The following TENM2 variants were observed in gnomAD, a reference collection of about 807,000 sequenced individuals.
TENM2 encodes teneurin-2.
In TENM2, 52 loss-of-function variants were observed where a neutral mutation model predicts 245.2. The ratio of observed to expected loss-of-function variants is 0.21; its 90% CI spans 0.17 to 0.27. The LOEUF is 0.27. TENM2 is among the 10% of genes least tolerant of loss of function. The probability of loss-of-function intolerance (pLI) is 1.00; values close to 1 mark genes in which losing one functional copy is unlikely to be tolerated. For synonymous variants in TENM2, 1,363 were observed against 1,438.9 expected (o/e 0.95, Z 1.19); for missense variants, 3,046 against 3,666.8 (o/e 0.83, Z 4.37).
the TENM2 span, among the ~76,000 whole-genome samples, chr5:167,169,759 T>C: frequency 2.6e-5 from 4 of 152,206 alleles, no homozygotes; most frequent in East Asian, 5.8e-4. Context: ...GTCATATCCC[T>C]CTTTTGGCCT....
intron 2 of TENM2, among the ~76,000 whole-genome samples, chr5:167,720,116 A>C (rs1247255250): frequency 6.6e-6 from 1 of 152,180 alleles, no homozygotes; most frequent in Non-Finnish European, 1.5e-5. Context: ...AAGCATTTCC[A>C]AAAACAATTT....
rs141656383 is a variant in TENM2 at position 167,322,362 on chromosome 5, T to C, written c.226+37299T>C. ...CTGGCCCTGTTAGCCACCCATACCG[T>C]GGAGAGAGAATCTCTGCATTTCCCT... On this transcript the variant is annotated intron_variant, in intron 1 of 28. Coordinates refer to ENST00000518659, the Ensembl canonical transcript of TENM2. 6.9e-3 allele frequency among the ~76,000 whole-genome samples: 1,058 copies of C among 152,260 alleles called. 17 individuals are homozygous for C. The highest frequency in any genetic ancestry group is 0.025 in the African/African-American group (1,023 of 41,550).
rs1470988739 is a variant in TENM2, at chr5:168,218,539, G to A, written c.4648G>A (p.Ala1550Thr). Residue 1550 changes from alanine to threonine, a missense_variant, in exon 23 of 29, where the codon GCT becomes ACT. Ala to Thr is a moderately conservative substitution (Grantham distance 58, BLOSUM62 0). Transcript: ENST00000518659. This position sits in a 1 kb window ranked among gnomAD's most constrained non-coding sequence, Gnocchi z 5.2. ...CATCTTGAATTCCCCATCATCCTTA[G>A]CTGTAGCTCCAGATGGTACCATTTA... is the stretch of plus-strand genomic sequence containing the variant. 1 of 1,613,896 alleles carries A rather than the reference G, an allele frequency of 6.2e-7. No homozygotes were observed. The highest frequency in any genetic ancestry group is 2.2e-5 in the East Asian group (1 of 44,888).
the TENM2 span, among the ~76,000 whole-genome samples, chr5:166,983,855 C>T: frequency 6.6e-6 from 1 of 152,056 alleles, no homozygotes; most frequent in Admixed American, 6.6e-5. Context: ...ATGGAGAAAG[C>T]CCAGTGTACT....
At chr5:167,083,535 T>G in the TENM2 span, among the ~76,000 whole-genome samples, 2 of 152,234 alleles carry the variant, frequency 1.3e-5, no homozygotes, top group African/African-American at 4.8e-5. Context: ...GAATTAATTC[T>G]AAATTTAATA....
chr5:168,009,562 A>G (rs1424055344), intron 5 of TENM2, among the ~76,000 whole-genome samples: 2 of 152,088 alleles, frequency 1.3e-5, no homozygotes, highest in Non-Finnish European at 2.9e-5. Context: ...GTGTGTTAAC[A>G]TTTGACTGAA....
At chr5:167,348,276 A>G (rs993496561) in intron 1 of TENM2, among the ~76,000 whole-genome samples, 3 of 152,174 alleles carry the variant, frequency 2.0e-5, no homozygotes, top group African/African-American at 7.2e-5. Context: ...GTTCCTAAGG[A>G]TTTCGAGTGT....
At chr5:167,075,198 T>G in the TENM2 span, among the ~76,000 whole-genome samples, 1 of 149,206 alleles carries the variant, frequency 6.7e-6, no homozygotes, top group East Asian at 2.0e-4. Flanking sequence ...ACTGCAGAGT[T>G]AGAGAGAGAG....
chr5:167,335,355 A>G (rs1340443488), intron 1 of TENM2, among the ~76,000 whole-genome samples: 2 of 152,154 alleles, frequency 1.3e-5, no homozygotes. Flanking sequence ...GATTTATTTA[A>G]TCACCTCCCA....
chr5:167,106,545 G>T, the TENM2 span, among the ~76,000 whole-genome samples: 1 of 152,234 alleles, frequency 6.6e-6, no homozygotes, highest in Non-Finnish European at 1.5e-5. Flanking sequence ...AAGGAATTTT[G>T]ATTTAATTCT....
the TENM2 span, among the ~76,000 whole-genome samples, chr5:167,181,502 G>GTGTGTGTGTGTA: frequency 1.4e-5 from 2 of 144,098 alleles, no homozygotes; most frequent in East Asian, 4.1e-4. Context: ...GTGTGTGTGT[G>GTGTGTGTGTGTA]TATGTGTATT....
intron 2 of TENM2, among the ~76,000 whole-genome samples, chr5:167,563,303 C>T (rs1321976151): frequency 6.6e-6 from 1 of 152,160 alleles, no homozygotes; most frequent in Non-Finnish European, 1.5e-5. Flanking sequence ...CCTTGGGTTC[C>T]TCCTTAGCCT....
At chr5:167,801,734 G>A (rs1230450983) in intron 2 of TENM2, among the ~76,000 whole-genome samples, 1 of 152,118 alleles carries the variant, frequency 6.6e-6, no homozygotes, top group Non-Finnish European at 1.5e-5. Flanking sequence ...GCTCATATTT[G>A]ATTTGTATGT....
chr5:167,257,672 A>T, the TENM2 span, among the ~76,000 whole-genome samples: 9 of 152,258 alleles, frequency 5.9e-5, no homozygotes, highest in African/African-American at 2.2e-4. Flanking sequence ...AAAGCTTTGC[A>T]AAGTGAATAA....
At chr5:167,317,128 T>G (rs1756410508) in intron 1 of TENM2, among the ~76,000 whole-genome samples, 1 of 152,124 alleles carries the variant, frequency 6.6e-6, no homozygotes, top group Non-Finnish European at 1.5e-5. Context: ...ACGTCCCTAA[T>G]TTAAAATGGC....
In TENM2 at chr5:167,417,493, G is replaced by A. The variant is rs566278858; in HGVS notation, c.502+42020G>A. On this transcript the variant is annotated intron_variant, in intron 2 of 28. Coordinates refer to ENST00000518659, the Ensembl canonical transcript of TENM2. ...AGGCCTTTTGCTTATTCTTATTCCA[G>A]CCTACAGAACTTATGTGCTTTTTCT... 3.3e-5 allele frequency among the ~76,000 whole-genome samples: 5 copies of A among 152,100 alleles called. No individual in the cohort carries two copies. The East Asian group carries it at 9.7e-4, about 29-fold the overall frequency.
chr5:167,105,349 C>A, the TENM2 span, among the ~76,000 whole-genome samples: 1 of 152,178 alleles, frequency 6.6e-6, no homozygotes, highest in African/African-American at 2.4e-5. Context: ...GTTAATTACA[C>A]ACCTAATTAG....
At chr5:168,127,747 G>A (rs754432888) in intron 12 of TENM2, among the ~76,000 whole-genome samples, 2 of 152,168 alleles carry the variant, frequency 1.3e-5, no homozygotes, top group African/African-American at 2.4e-5. Context: ...TTGTCAACTT[G>A]AGCATCATTT....
chr5:167,249,136 A>G, the TENM2 span, among the ~76,000 whole-genome samples: 2 of 152,184 alleles, frequency 1.3e-5, no homozygotes, highest in African/African-American at 4.8e-5. Context: ...TATACTGGAT[A>G]GAAGAGTTTT....
Sources: gnomAD v4.1 joint callset for allele counts (sites outside exome capture counted in the v4.1 genomes callset) on GRCh38, gnomAD v4.1.1 for gene constraint, Gnocchi (gnomAD v3.1) non-coding constraint, MANE v1.5 for transcripts, NCBI Gene and HGNC (gene_info 2026-07-23, HGNC 2026-07-21) for gene names.